Variants in POR observed in about 807,000 individuals in gnomAD.
The protein encoded by POR is NADPH--cytochrome P450 reductase.
In POR, 56 loss-of-function variants were observed where a neutral mutation model predicts 84.0. That is an observed-to-expected ratio of 0.67 (90% CI 0.54 to 0.83). POR has a LOEUF of 0.83. Ranked by LOEUF, POR falls within the 40% of genes least tolerant of loss-of-function variation. The pLI is 0.00. For synonymous variants in POR, 414 were observed against 400.5 expected (o/e 1.03, Z -0.40); for missense variants, 938 against 944.3 (o/e 0.99, Z 0.09).
Position 75,981,114 on chromosome 7 carries a change from C to G in POR, c.583C>G (p.Leu195Val). The change falls in exon 6 of 16, where the codon CTG (leucine) becomes GTG (valine). Residue 195 changes from leucine to valine, a missense_variant. By Grantham distance (32) the Leu-to-Val change is conservative. Coordinates refer to ENST00000461988, the MANE Select transcript of POR (RefSeq NM_000941.3). The stretch of plus-strand genomic sequence containing the variant: ...CATGGGCAAGTACGTGGACAAGCGG[C>G]TGGAGCAGCTCGGCGCCCAGCGCAT... 6.4e-7 allele frequency: 1 copy of G among 1,564,802 alleles called. No individual in the cohort carries two copies. The highest frequency in any genetic ancestry group is 1.9e-5 in the Admixed American group (1 of 52,962).
In POR at chr7:75,955,647, T is replaced by C. The variant is rs76567252; in HGVS notation, c.188+1467T>C. On this transcript the variant is annotated intron_variant, in intron 2 of 15. Coordinates refer to ENST00000461988, the MANE Select transcript of POR (RefSeq NM_000941.3). ...GTCTCAGGGGCAGGATTGGGAGCCA[T>C]TCTCAGACCAGAACCCCTTTCATTC... Among the ~76,000 whole-genome samples the C allele has an allele frequency of 5.3e-3, 807 of 152,280 alleles. 7 individuals carry two copies. The highest frequency in any genetic ancestry group is 0.011 in the South Asian group (52 of 4,824).
chr7:75,933,390 T>TTG (rs1563403273), intron 1 of POR, among the ~76,000 whole-genome samples: 1 of 91,108 alleles, frequency 1.1e-5, no homozygotes, highest in Non-Finnish European at 1.9e-5. Context: ...TTTTTTTTTT[T>TTG]TTTTTTTTTT....
chr7:75,985,236 C>A (rs782346085), intron 12 of POR, 29 bp downstream of exon 12: 1 of 1,563,376 alleles, frequency 6.4e-7, no homozygotes, highest in Non-Finnish European at 8.6e-7. Context: ...CTGCCAGCCA[C>A]ACGCTGGAGG....
At chr7:75,923,517 G>T in intron 1 of POR, 1 of 462,250 alleles carries the variant, frequency 2.2e-6, no homozygotes, top group Non-Finnish European at 3.9e-6. Flanking sequence ...GGGGCGGGGT[G>T]GAATTTTTAT....
At chr7:75,932,931 T>A (rs370381126) in intron 1 of POR, among the ~76,000 whole-genome samples, 1 of 149,388 alleles carries the variant, frequency 6.7e-6, no homozygotes, top group Admixed American at 6.8e-5. Context: ...GGCAGGAAAA[T>A]CCCTTGAACT....
intron 1 of POR, among the ~76,000 whole-genome samples, chr7:75,933,392 T>A (rs1443765943): frequency 1.0e-5 from 1 of 96,112 alleles, no homozygotes; most frequent in African/African-American, 6.6e-5. Flanking sequence ...TTTTTTTTTT[T>A]TTTTTTTTTT....
At chr7:75,917,486 T>C (rs1806630895) in intron 1 of POR, among the ~76,000 whole-genome samples, 1 of 151,608 alleles carries the variant, frequency 6.6e-6, no homozygotes, top group African/African-American at 2.4e-5. Flanking sequence ...GTCCTTGTGC[T>C]TTAGGGAGGA....
chr7:75,986,026 C>T lies in POR; in HGVS notation c.1773C>T (p.Leu591=). Residue 591 remains leucine, a synonymous_variant, in exon 14 of 16, where the codon CTC becomes CTT. Coordinates refer to ENST00000461988, the MANE Select transcript of POR (RefSeq NM_000941.3). ...CGCAGTTCCACAGGGACGGTGCGCT[C>T]ACCCAGCTCAACGTGGCCTTCTCCC... 6.4e-7 allele frequency: 1 copy of T among 1,562,282 alleles called. No individual in the cohort carries two copies. Among genetic ancestry groups the T allele is most frequent in the Non-Finnish European group, 8.7e-7 (1 of 1,154,316 alleles).
intron 2 of POR, among the ~76,000 whole-genome samples, chr7:75,954,469 G>C (rs151249983): frequency 1.3e-5 from 2 of 152,128 alleles, no homozygotes; most frequent in African/African-American, 4.8e-5. Flanking sequence ...GAATGTTAAC[G>C]GGCCTGCCAG....
At position 75,985,774 on chromosome 7, in the gene POR, A is replaced by G. The variant is rs886062442; in HGVS notation, c.1594A>G (p.Ile532Val). ...GCCCTTCAAGGCCACCACGCCTGTCATCATGGTGGGCCCCGGCACCGGGGT... is the reference window on the plus strand; with the variant it reads ...GCCCTTCAAGGCCACCACGCCTGTCGTCATGGTGGGCCCCGGCACCGGGGT... Residue 532 changes from isoleucine (I) to valine (V), a missense_variant, in exon 13 of 16, where the codon ATC becomes GTC. Transcript: ENST00000461988. 6 of 1,577,622 alleles carry G rather than the reference A, an allele frequency of 3.8e-6. No individual in the cohort carries two copies. The Admixed American group carries it at 7.3e-5, about 19-fold the overall frequency.
At chr7:75,974,349 A>G (rs554198496) in intron 3 of POR, among the ~76,000 whole-genome samples, 5 of 152,136 alleles carry the variant, frequency 3.3e-5, no homozygotes, top group African/African-American at 1.2e-4. Flanking sequence ...CGTGTGAGAA[A>G]ACTGTTCCCC....
At chr7:75,973,594 A>G (rs1361616714) in intron 3 of POR, among the ~76,000 whole-genome samples, 1 of 148,136 alleles carries the variant, frequency 6.8e-6, no homozygotes, top group Non-Finnish European at 1.5e-5. Context: ...CTGGGACTGT[A>G]GGTGCGAGCC....
chr7:75,928,003 G>C (rs1353652232), intron 1 of POR, among the ~76,000 whole-genome samples: 1 of 120,620 alleles, frequency 8.3e-6, no homozygotes, highest in Non-Finnish European at 1.6e-5. Context: ...ACGGAGTCTT[G>C]CTGTGTTGCC....
chr7:75,944,211 C>T lies in POR; in HGVS notation c.-4-9778C>T, dbSNP rs551102623. On this transcript the variant is annotated intron_variant, in intron 1 of 15. Transcript: ENST00000461988. ...AACTGATACCTTCCTTCCCTATAAG[C>T]AGGTGACAGACAATATTTAATAAAA... 3.3e-4 allele frequency among the ~76,000 whole-genome samples: 51 copies of T among 152,250 alleles called. 3 individuals are homozygous for T. The South Asian group carries it at 0.011, about 31-fold the overall frequency.
At chr7:75,977,896 A>G (rs186467410) in intron 3 of POR, among the ~76,000 whole-genome samples, 1 of 152,308 alleles carries the variant, frequency 6.6e-6, no homozygotes, top group Non-Finnish European at 1.5e-5. Context: ...CCTCCCTTCC[A>G]CCCTTCAGAT....
At chr7:75,927,335 G>GT (rs1161927044) in intron 1 of POR, among the ~76,000 whole-genome samples, 1 of 151,934 alleles carries the variant, frequency 6.6e-6, no homozygotes, top group Non-Finnish European at 1.5e-5. Flanking sequence ...GCGAAACCCC[G>GT]TATCTTAACA....
intron 2 of POR, among the ~76,000 whole-genome samples, chr7:75,964,528 G>A (rs549860124): frequency 4.2e-4 from 64 of 152,128 alleles, no homozygotes; most frequent in East Asian, 1.7e-3. Context: ...GGCTGATCTC[G>A]AACTGCTGAC....
intron 1 of POR, among the ~76,000 whole-genome samples, chr7:75,933,376 G>GTTTTTTTTGTTTTTTTTT (rs1807510490): frequency 1.1e-5 from 1 of 92,086 alleles, no homozygotes; most frequent in African/African-American, 3.2e-5. Context: ...ATAGGTCTTT[G>GTTTTTTTTGTTTTTTTTT]TTTTTTTTTT....
At chr7:75,926,377 G>A (rs1807126955) in intron 1 of POR, among the ~76,000 whole-genome samples, 1 of 152,138 alleles carries the variant, frequency 6.6e-6, no homozygotes, top group Non-Finnish European at 1.5e-5. Flanking sequence ...GAGCCACGAG[G>A]TCTTAGAAAG....
Sources: allele counts gnomAD v4.1 joint callset (sites outside exome capture counted in the v4.1 genomes callset), GRCh38; gene constraint gnomAD v4.1.1; transcripts MANE v1.5; gene names NCBI Gene and HGNC (gene_info 2026-07-23, HGNC 2026-07-21).